DNAH17: variants seen among roughly 807,000 people sequenced by gnomAD.
The protein encoded by DNAH17 is dynein axonemal heavy chain 17.
DNAH17 carries 376 observed loss-of-function variants against 485.6 expected under a neutral mutation model. The ratio of observed to expected loss-of-function variants is 0.77; its 90% CI spans 0.71 to 0.84. The LOEUF (loss-of-function observed/expected upper bound fraction) is 0.84. Among genes scored for constraint, DNAH17 ranks in the 40% least tolerant of loss-of-function variants. The pLI is 0.00. For missense variants in DNAH17, 6,370 were observed against 5,839.3 expected (o/e 1.09, Z -2.96); for synonymous variants, 3,031 against 2,405.9 (o/e 1.26, Z -7.60).
intron 22 of DNAH17, among the ~76,000 whole-genome samples, chr17:78,527,889 A>C (rs2091120624): frequency 6.6e-6 from 1 of 152,018 alleles, no homozygotes; most frequent in Admixed American, 6.6e-5. Context: ...AGTGATTCTC[A>C]TGCCTCAACC....
intron 42 of DNAH17, among the ~76,000 whole-genome samples, chr17:78,492,432 C>T (rs139185596): frequency 1.9e-3 from 291 of 152,284 alleles, no homozygotes; most frequent in Middle Eastern, 0.017. Flanking sequence ...GGCCCCCATT[C>T]CTTATCCCCC....
rs1332155976 is a variant in DNAH17 at position 78,453,553 on chromosome 17, G to A, written c.10407-88C>T. On this transcript the variant is annotated intron_variant, in intron 64 of 80. Transcript: ENST00000389840. ...CTCCGACCAGCAGCCCCTGCCCTCT[G>A]AGCGAGACAGCGCCAAGCGAGGGGT... 4.5e-6 allele frequency: 7 copies of A among 1,547,688 alleles called. No individual in the cohort carries two copies. The East Asian group carries it at 9.2e-5, about 20-fold the overall frequency.
Position 78,532,540 on chromosome 17 carries a change from G to T in DNAH17, c.3056C>A (p.Thr1019Asn), listed in dbSNP as rs77180602. ...CTTGGGGATGGTGTCATCTGTCCAG[G>T]TGTCCAAGTCCTCCGCAGTGACTGC... The part of the protein sequence containing the change: ...GCAVTAEDLD[T>N]WTDDTIPKTP... Residue 1019 changes from threonine (T) to asparagine (N), a missense_variant, in exon 20 of 81, where the codon ACC becomes AAC. Physicochemically the swap from Thr to Asn is moderately conservative, Grantham distance 65 (BLOSUM62 0). Coordinates refer to ENST00000389840, the MANE Select transcript of DNAH17 (RefSeq NM_173628.4). 7,479 of 1,611,388 alleles carry T rather than the reference G, an allele frequency of 4.6e-3. 154 individuals carry two copies. In the East Asian group the frequency reaches 0.059, roughly 13 times the overall value.
At chr17:78,536,750 G>A (rs1408375573) in intron 19 of DNAH17, among the ~76,000 whole-genome samples, 1 of 149,708 alleles carries the variant, frequency 6.7e-6, no homozygotes, top group African/African-American at 2.5e-5. Flanking sequence ...TCGTGTCGGG[G>A]GGTTGGAAGG....
At chr17:78,463,239 T>TG (rs1323528465) in intron 56 of DNAH17, among the ~76,000 whole-genome samples, 162 bp from the exon 57 acceptor site, 5 of 152,304 alleles carry the variant, frequency 3.3e-5, no homozygotes, top group Admixed American at 3.3e-4. Flanking sequence ...CAACAGATCC[T>TG]GGGGCCCTTG....
At chr17:78,436,947 G>C (rs114733378) in intron 74 of DNAH17, among the ~76,000 whole-genome samples, 6 of 152,174 alleles carry the variant, frequency 3.9e-5, no homozygotes, top group Non-Finnish European at 7.3e-5. Flanking sequence ...TGAGGGAAGA[G>C]TCAGGTGAGG....
At chr17:78,441,255 G>A in intron 71 of DNAH17, 56 bp from the exon 72 acceptor site, 1 of 1,599,028 alleles carries the variant, frequency 6.3e-7, no homozygotes, top group Non-Finnish European at 8.5e-7. Context: ...CCAGGGCGGG[G>A]CGCTCGGGGT....
At chr17:78,538,339 G>C (rs1275700312) in intron 18 of DNAH17, among the ~76,000 whole-genome samples, 5 of 152,068 alleles carry the variant, frequency 3.3e-5, no homozygotes, top group African/African-American at 1.2e-4. Context: ...GTGCTGCTCT[G>C]GTTTACAGTG....
chr17:78,448,651 A>C (rs2087416467), intron 69 of DNAH17, among the ~76,000 whole-genome samples: 1 of 152,254 alleles, frequency 6.6e-6, no homozygotes, highest in Non-Finnish European at 1.5e-5. Flanking sequence ...CATATGTTGG[A>C]AACTGAATCC....
intron 54 of DNAH17, among the ~76,000 whole-genome samples, chr17:78,473,316 G>A (rs539862101): frequency 6.6e-5 from 10 of 152,134 alleles, no homozygotes; most frequent in Non-Finnish European, 1.2e-4. Flanking sequence ...AGGCTGAGGC[G>A]GGCAGATCAC....
intron 1 of DNAH17, 97 bp from the exon 2 acceptor site, chr17:78,575,179 G>A: frequency 1.1e-6 from 1 of 874,302 alleles, no homozygotes; most frequent in Non-Finnish European, 1.7e-6. Context: ...TTCTACCGGA[G>A]CAGGAACAAA....
At chr17:78,474,366 A>G (rs2088910981) in intron 54 of DNAH17, among the ~76,000 whole-genome samples, 1 of 152,244 alleles carries the variant, frequency 6.6e-6, no homozygotes, top group Non-Finnish European at 1.5e-5. Flanking sequence ...AACTAATGGC[A>G]CGCAGTTGCC....
chr17:78,482,785 G>A (rs2089408855), intron 48 of DNAH17, among the ~76,000 whole-genome samples: 1 of 152,092 alleles, frequency 6.6e-6, no homozygotes, highest in South Asian at 2.1e-4. Context: ...ATGTTAATCT[G>A]ATATTCTAGA....
intron 37 of DNAH17, chr17:78,497,108 C>T (rs1045951118): frequency 6.6e-6 from 1 of 152,238 alleles, no homozygotes; most frequent in African/African-American, 2.4e-5. Flanking sequence ...TGTTACTACT[C>T]TGGCAATGAC....
intron 51 of DNAH17, 130 bp downstream of exon 51, chr17:78,478,892 TATC>T (rs1158732094): frequency 2.8e-6 from 2 of 704,522 alleles, no homozygotes; most frequent in African/African-American, 3.6e-5. Context: ...CCACCATTAT[TATC>T]ATCATTATCA....
chr17:78,508,220 C>T (rs570098262), intron 27 of DNAH17, among the ~76,000 whole-genome samples: 1 of 152,326 alleles, frequency 6.6e-6, no homozygotes, highest in East Asian at 1.9e-4. Flanking sequence ...GACTCTCTCT[C>T]TGAGCCTCAT....
In DNAH17 at chr17:78,490,651, G is replaced by A. The variant is rs1453179428; in HGVS notation, c.6818+48C>T. On this transcript the variant is annotated intron_variant, in intron 44 of 80. Transcript: ENST00000389840. ...AACTCTGAAACAGGCCAACAAGTTC[G>A]TTTTTCCCTGCCGAGGTTTGGAACA... The A allele has an allele frequency of 9.6e-6, 15 of 1,562,006 alleles. No homozygotes were observed. The Middle Eastern group carries it at 5.1e-4, about 53-fold the overall frequency.
intron 17 of DNAH17, among the ~76,000 whole-genome samples, chr17:78,541,571 G>A (rs536350837): frequency 1.1e-4 from 16 of 152,142 alleles, no homozygotes; most frequent in South Asian, 8.3e-4. Context: ...TCTAATGACT[G>A]TCATGAGAGT....
chr17:78,531,071 A>C (rs1178245002), intron 20 of DNAH17, among the ~76,000 whole-genome samples: 1 of 152,220 alleles, frequency 6.6e-6, no homozygotes, highest in Non-Finnish European at 1.5e-5. Context: ...TGTGATCTAA[A>C]GTGCAGTTTA....
Sources: gnomAD v4.1 joint callset for allele counts (sites outside exome capture counted in the v4.1 genomes callset) on GRCh38, gnomAD v4.1.1 for gene constraint, MANE v1.5 for transcripts, NCBI Gene and HGNC (gene_info 2026-07-23, HGNC 2026-07-21) for gene names.